The following GPC6 variants were observed in gnomAD, a reference collection of about 807,000 sequenced individuals.
GPC6 encodes the protein glypican-6.
Under a neutral mutation model 55.2 loss-of-function variants are expected in GPC6, and 14 were observed. The observed-to-expected ratio is 0.25, with a 90% confidence interval of 0.17 to 0.40. The LOEUF is 0.40. GPC6 is among the 10% of genes least tolerant of loss of function. The pLI is 1.00. For synonymous variants in GPC6, 278 were observed against 259.6 expected, an observed-to-expected ratio of 1.07 and a Z score of -0.68; for missense variants, 641 against 708.5, an observed-to-expected ratio of 0.90 and a Z score of 1.08.
intron 2 of GPC6, among the ~76,000 whole-genome samples, chr13:93,828,532 C>T (rs1566556033): frequency 6.6e-6 from 1 of 151,778 alleles, no homozygotes; most frequent in Non-Finnish European, 1.5e-5. Context: ...CAAATTTCGC[C>T]CTATCTGCTT....
chr13:94,031,614 C>T (rs142688830), intron 4 of GPC6, among the ~76,000 whole-genome samples: 4 of 152,276 alleles, frequency 2.6e-5, no homozygotes, highest in East Asian at 3.9e-4. Flanking sequence ...CAGGTATTGC[C>T]GTATTTTCAT....
intron 2 of GPC6, among the ~76,000 whole-genome samples, chr13:93,787,051 A>T (rs1885836275): frequency 6.6e-6 from 1 of 152,220 alleles, no homozygotes; most frequent in African/African-American, 2.4e-5. Flanking sequence ...CTGATCACAC[A>T]GCAATGATAT....
intron 4 of GPC6, among the ~76,000 whole-genome samples, chr13:94,219,134 G>T (rs1594069567): frequency 6.6e-6 from 1 of 152,098 alleles, no homozygotes; most frequent in Admixed American, 6.5e-5. Flanking sequence ...AACCACAACG[G>T]CAATAACATG....
At chr13:94,105,909 A>G (rs1043101634) in intron 4 of GPC6, among the ~76,000 whole-genome samples, 1 of 151,448 alleles carries the variant, frequency 6.6e-6, no homozygotes, top group Non-Finnish European at 1.5e-5. Context: ...TCCTACATTG[A>G]AAAGGGTAGC....
At chr13:93,232,334 A>C (rs1266131251) in intron 1 of GPC6, among the ~76,000 whole-genome samples, 4 of 152,158 alleles carry the variant, frequency 2.6e-5, no homozygotes, top group African/African-American at 9.6e-5. Context: ...AGTGAGGTGA[A>C]CTTCAATTTT....
At chr13:93,453,825 A>G (rs978397015) in intron 1 of GPC6, among the ~76,000 whole-genome samples, 3 of 151,978 alleles carry the variant, frequency 2.0e-5, no homozygotes, top group Admixed American at 6.5e-5. Context: ...CCAAACAGTG[A>G]GCAGTAGCAA....
chr13:93,887,290 A>G (rs1433416066), intron 3 of GPC6, among the ~76,000 whole-genome samples: 1 of 152,126 alleles, frequency 6.6e-6, no homozygotes, highest in Non-Finnish European at 1.5e-5. Context: ...TTTAGCTTGA[A>G]TAAATATAGT....
chr13:93,900,791 G>A (rs988680584), intron 3 of GPC6, among the ~76,000 whole-genome samples: 2 of 152,114 alleles, frequency 1.3e-5, no homozygotes, highest in Non-Finnish European at 2.9e-5. Flanking sequence ...AAATAAAGAT[G>A]ATGTGTGAAA....
chr13:94,111,160 C>A (rs1886231798), intron 4 of GPC6, among the ~76,000 whole-genome samples: 1 of 151,900 alleles, frequency 6.6e-6, no homozygotes, highest in Admixed American at 6.6e-5. Context: ...ATTCTTTGCC[C>A]ATTTTTTCTA....
At chr13:94,308,790 A>C (rs1876087442) in intron 6 of GPC6, among the ~76,000 whole-genome samples, 1 of 152,206 alleles carries the variant, frequency 6.6e-6, no homozygotes, top group South Asian at 2.1e-4. Context: ...TTGCGCATCA[A>C]ACGGAGCTAT....
At chr13:93,358,568 A>G (rs1880935066) in intron 1 of GPC6, among the ~76,000 whole-genome samples, 1 of 152,192 alleles carries the variant, frequency 6.6e-6, no homozygotes, top group African/African-American at 2.4e-5. Flanking sequence ...ATGACTCTAA[A>G]GCCTACATTG....
chr13:93,282,522 G>GA lies in GPC6; in HGVS notation c.160+54918dup, dbSNP rs199977909. Reference sequence around the variant, plus strand: ...CTTAGCTGATCTAATGAATTACAGTGAAAAAAAAAAAAGCTTCTTGCCAAT... The same window carrying GA: ...CTTAGCTGATCTAATGAATTACAGTGAAAAAAAAAAAAAGCTTCTTGCCAAT... On this transcript the variant is annotated intron_variant, in intron 1 of 8. Transcript: ENST00000377047. Among the ~76,000 whole-genome samples, 956 of 135,308 alleles carry GA rather than the reference G, an allele frequency of 7.1e-3. 10 individuals carry two copies. The highest frequency in any genetic ancestry group is 0.02 in the African/African-American group (760 of 37,434). 88.8% of individuals were successfully genotyped at this position (135,308 alleles called of 152,430 possible). A position where few individuals can be genotyped will look rare whatever the true frequency, so the allele number is the denominator to read the frequency against.
chr13:93,869,756 T>A (rs1889072333), intron 3 of GPC6, among the ~76,000 whole-genome samples: 1 of 151,906 alleles, frequency 6.6e-6, no homozygotes, highest in African/African-American at 2.4e-5. Flanking sequence ...AGGGGTATTT[T>A]CTACAGACCT....
intron 6 of GPC6, among the ~76,000 whole-genome samples, chr13:94,357,750 C>T (rs2139176503): frequency 6.6e-6 from 1 of 152,280 alleles, no homozygotes; most frequent in South Asian, 2.1e-4. Context: ...AACTTTGGGT[C>T]ACTGGTTTCT....
intron 2 of GPC6, among the ~76,000 whole-genome samples, chr13:93,660,725 A>G (rs1594350637): frequency 6.6e-6 from 1 of 152,194 alleles, no homozygotes; most frequent in African/African-American, 2.4e-5. Flanking sequence ...AAGGAATAAT[A>G]TATATCTAAC....
chr13:93,623,450 C>CTTTTTT (rs1262712004), intron 2 of GPC6, among the ~76,000 whole-genome samples: 1 of 66,252 alleles, frequency 1.5e-5, no homozygotes, highest in African/African-American at 4.0e-5. Flanking sequence ...CTTTTCTTTT[C>CTTTTTT]TTTTCTTTTT....
rs143911825 is a variant in GPC6, at chr13:94,266,261, C to T, written c.878-20088C>T. Among the ~76,000 whole-genome samples the T allele has an allele frequency of 8.9e-3, 1,348 of 152,066 alleles. 9 individuals are homozygous for T. The highest frequency in any genetic ancestry group is 0.027 in the Middle Eastern group (8 of 294). On this transcript the variant is annotated intron_variant, in intron 4 of 8. Coordinates refer to ENST00000377047, the MANE Select transcript of GPC6 (RefSeq NM_005708.5). ...TTGGCTCACTGCAAGCTCCGCCTCC[C>T]GGGTTCACTCGATTCTCCTGCATCA... is the stretch of plus-strand genomic sequence containing the variant.
chr13:93,434,213 G>A (rs1488696518), intron 1 of GPC6, among the ~76,000 whole-genome samples: 2 of 152,214 alleles, frequency 1.3e-5, no homozygotes, highest in East Asian at 3.9e-4. Flanking sequence ...AGACATAATG[G>A]CACAGAACAG....
chr13:93,565,176 A>G lies in GPC6; in HGVS notation c.319+19755A>G, dbSNP rs531682529. On this transcript the variant is annotated intron_variant, in intron 2 of 8. Transcript: ENST00000377047. ...ACTTCAGTGCCTTTAACTTCCATGG[A>G]CCTGTGTCTCCATTTCTGCCCTCCC... 2.0e-5 allele frequency among the ~76,000 whole-genome samples: 3 copies of G among 152,132 alleles called. No homozygotes were observed. The South Asian group carries it at 6.2e-4, about 32-fold the overall frequency.
Sources: allele counts gnomAD v4.1 joint callset (sites outside exome capture counted in the v4.1 genomes callset), GRCh38; gene constraint gnomAD v4.1.1; transcripts MANE v1.5; gene names NCBI Gene and HGNC (gene_info 2026-07-23, HGNC 2026-07-21).